NMUR1: variants seen among roughly 807,000 people sequenced by gnomAD.
NMUR1 encodes neuromedin-U receptor 1.
A neutral mutation model predicts 18.8 loss-of-function variants in NMUR1; 16 were observed. The ratio of observed to expected loss-of-function variants is 0.85; its 90% confidence interval spans 0.58 to 1.29. NMUR1 has a LOEUF of 1.29. Ranked by LOEUF, NMUR1 falls within the 50% of genes most tolerant of loss-of-function variation. The pLI is 0.00. For missense variants in NMUR1, 529 were observed against 580.3 expected, an observed-to-expected ratio of 0.91 and a Z score of 0.91; for synonymous variants, 258 against 258.2, an observed-to-expected ratio of 1.00 and a Z score of 0.01.
chr2:231,529,719 C>A (rs151324085), intron 1 of NMUR1, among the ~76,000 whole-genome samples: 1 of 152,154 alleles, frequency 6.6e-6, no homozygotes, highest in African/African-American at 2.4e-5. Flanking sequence ...TCCAGCCTCC[C>A]CAGTTCCAGG....
At chr2:231,525,503 C>A in intron 2 of NMUR1, 78 bp from the exon 3 acceptor site, 1 of 1,485,688 alleles carries the variant, frequency 6.7e-7, no homozygotes, top group East Asian at 2.3e-5. Context: ...TTTGGGTCAC[C>A]CATTTTCACA....
At position 231,528,134 on chromosome 2, in the gene NMUR1, G is replaced by T. The variant is rs749970185; in HGVS notation, c.887C>A (p.Thr296Asn). The T allele has an allele frequency of 6.5e-7, 1 of 1,548,936 alleles. No homozygotes were observed. The highest frequency in any genetic ancestry group is 8.7e-7 in the Non-Finnish European group (1 of 1,145,874). The change falls in exon 2 of 3, where the codon ACC becomes AAC. Residue 296 changes from threonine (T) to asparagine (N), a missense_variant. Transcript: ENST00000305141. Reference protein sequence around the residue: ...QQHDRGRRQVTKMLFVLVVVF... With the variant: ...QQHDRGRRQVNKMLFVLVVVF... ...GCCGTGACACTTACACAGCATCTTG[G>T]TCACTTGTCTCCGGCCCCGATCGTG...
downstream of NMUR1, among the ~76,000 whole-genome samples, chr2:231,519,941 GAAGAT>G (rs199774898): frequency 1.4e-3 from 217 of 152,232 alleles, 4 homozygotes; most frequent in East Asian, 0.033. Context: ...AATAAGATAA[GAAGAT>G]AAGATAAAAT....
In NMUR1 at chr2:231,528,693, G is replaced by T. The variant is rs2047384284; in HGVS notation, c.328C>A (p.Leu110Met). The change falls in exon 2 of 3, where the codon CTG becomes ATG. Residue 110 changes from leucine to methionine, a missense_variant. Leu to Met is a conservative substitution (Grantham distance 15). Transcript: ENST00000305141. ...FSLAVSDLLV[L>M]LVGLPLELYE... ...AGCTCCAGGGGCAGGCCCACCAGCA[G>T]CACCAGCAGGTCCGACACGGCCAGG... 2 of 1,614,132 alleles carry T rather than the reference G, an allele frequency of 1.2e-6. No individual in the cohort carries two copies. The highest frequency in any genetic ancestry group is 2.7e-5 in the African/African-American group (2 of 74,954).
downstream of NMUR1, among the ~76,000 whole-genome samples, chr2:231,522,815 C>T (rs1199784454): frequency 6.6e-6 from 1 of 152,162 alleles, no homozygotes; most frequent in Non-Finnish European, 1.5e-5. Context: ...TGTCCCCACT[C>T]CCCACCCCCA....
At position 231,525,085 on chromosome 2, in the gene NMUR1, C is replaced by T; in HGVS notation, c.1239G>A (p.Gly413=). The part of the protein sequence containing the change: ...SLGSWVHPLA[G]NDGPEAQQET... ...CTTGCTGCGCCTCTGGGCCATCGTT[C>T]CCAGCCAGGGGGTGGACCCAGCTGC... Residue 413 remains glycine (G), a synonymous_variant, in exon 3 of 3, where the codon GGG becomes GGA. Transcript: ENST00000305141. The T allele has an allele frequency of 6.2e-7, 1 of 1,604,792 alleles. No homozygotes were observed. The highest frequency in any genetic ancestry group is 1.1e-5 in the South Asian group (1 of 89,754).
chr2:231,529,628 G>T (rs2047396252), intron 1 of NMUR1, among the ~76,000 whole-genome samples: 3 of 152,156 alleles, frequency 2.0e-5, no homozygotes, highest in Admixed American at 2.0e-4. Flanking sequence ...ACTCGTTTGG[G>T]CATCTGTAAA....
rs752179819 is a variant in NMUR1 at position 231,525,278 on chromosome 2, G to A, written c.1046C>T (p.Ser349Leu). 71 of 1,614,058 alleles carry A rather than the reference G, an allele frequency of 4.4e-5. No homozygotes were observed. The highest frequency in any genetic ancestry group is 5.8e-5 in the Non-Finnish European group (69 of 1,180,040). ...VISGIFFYLGSAANPVLYSLM... is the reference protein window; with the variant it reads ...VISGIFFYLGLAANPVLYSLM... ...GCTATAGAGCACGGGGTTGGCCGCCGAGCCCAGGTAGAAGAAGATGCCGGA... is the reference window on the plus strand; with the variant it reads ...GCTATAGAGCACGGGGTTGGCCGCCAAGCCCAGGTAGAAGAAGATGCCGGA... The change falls in exon 3 of 3, where the codon TCG becomes TTG. Residue 349 changes from serine to leucine, a missense_variant. Physicochemically the swap from Ser to Leu is moderately radical, Grantham distance 145. Transcript: ENST00000305141.
rs57357206 is a variant in NMUR1 at position 231,527,973 on chromosome 2, GACAC to G, written c.898+146_898+149del. The G allele has an allele frequency of 4.7e-3, 2,679 of 570,152 alleles. 42 individuals are homozygous for G. Among genetic ancestry groups the G allele is most frequent in the African/African-American group, 0.039 (2,073 of 53,128 alleles). The allele number at this position is 570,152 out of a possible 1,614,324, so 35.3% of individuals were successfully genotyped here. A position where few individuals can be genotyped will look rare whatever the true frequency, so the allele number is the denominator to read the frequency against. ...AAAGAGTACACAGGAGTGCAACTCAGACACACACACACACACACACACACACGAG... is the reference window on the plus strand; with the variant it reads ...AAAGAGTACACAGGAGTGCAACTCAGACACACACACACACACACACACGAG... On this transcript the variant is annotated intron_variant, in intron 2 of 2. Coordinates refer to ENST00000305141, the MANE Select transcript of NMUR1 (RefSeq NM_006056.5).
At chr2:231,527,637 C>CAA (rs10522812) in intron 2 of NMUR1, among the ~76,000 whole-genome samples, 212 of 99,698 alleles carry the variant, frequency 2.1e-3, no homozygotes, top group African/African-American at 3.0e-3. Context: ...GACCCTGTCT[C>CAA]AAAAAAAAAA....
intron 1 of NMUR1, among the ~76,000 whole-genome samples, 195 bp downstream of exon 1, chr2:231,530,164 C>T (rs1349226301): frequency 6.6e-6 from 1 of 152,210 alleles, no homozygotes; most frequent in Non-Finnish European, 1.5e-5. Context: ...GAGGAAGGGT[C>T]GCAAGCCCGC....
At chr2:231,525,926 GCA>G (rs369635894) in intron 2 of NMUR1, among the ~76,000 whole-genome samples, 18 of 150,940 alleles carry the variant, frequency 1.2e-4, no homozygotes, top group Non-Finnish European at 2.2e-4. Context: ...ACACACGCAT[GCA>G]CACACACACA....
chr2:231,523,146 A>G (rs1036387462), downstream of NMUR1: 10 of 338,378 alleles, frequency 3.0e-5, no homozygotes, highest in Non-Finnish European at 4.9e-5. Flanking sequence ...TAAAACCACC[A>G]TATGACACAT....
downstream of NMUR1, among the ~76,000 whole-genome samples, chr2:231,522,852 C>T (rs2047319049): frequency 6.6e-6 from 1 of 152,212 alleles, no homozygotes; most frequent in Admixed American, 6.5e-5. Context: ...GTCCGGGAGC[C>T]CCTGTGCTTC....
chr2:231,528,427 G>C lies in NMUR1; in HGVS notation c.594C>G (p.Ser198Arg). The change falls in exon 2 of 3, where the codon AGC (serine) becomes AGG (arginine). Residue 198 changes from serine to arginine, a missense_variant. Coordinates refer to ENST00000305141, the MANE Select transcript of NMUR1 (RefSeq NM_006056.5). ...LAMLCSLPNT[S>R]LHGIRQLHVP... ...CGTGCAGCTGCCGGATGCCGTGCAGGCTGGTGTTGGGCAGGGAGCAGAGCA... is the reference window on the plus strand; with the variant it reads ...CGTGCAGCTGCCGGATGCCGTGCAGCCTGGTGTTGGGCAGGGAGCAGAGCA... 1 of 1,613,726 alleles carries C rather than the reference G, an allele frequency of 6.2e-7. No homozygotes were observed. Among genetic ancestry groups the C allele is most frequent in the Non-Finnish European group, 8.5e-7 (1 of 1,179,998 alleles).
chr2:231,521,973 CTTTTTTTTTTTT>C (rs10625236), downstream of NMUR1, among the ~76,000 whole-genome samples: 1 of 83,828 alleles, frequency 1.2e-5, no homozygotes, highest in Non-Finnish European at 2.2e-5. Context: ...TTTTTTTTCT[CTTTTTTTTTTTT>C]TTTTTTTTTT....
At position 231,525,190 on chromosome 2, in the gene NMUR1, A is replaced by C; in HGVS notation, c.1134T>G (p.His378Gln). 1 of 1,614,022 alleles carries C rather than the reference A, an allele frequency of 6.2e-7. No homozygotes were observed. The highest frequency in any genetic ancestry group is 1.7e-5 in the Admixed American group (1 of 60,012). The change falls in exon 3 of 3, where the codon CAT becomes CAG. Residue 378 changes from histidine to glutamine, a missense_variant. Physicochemically the swap from His to Gln is conservative, Grantham distance 24. Transcript: ENST00000305141. ...GGGAGCTGTGGCGGGGTCTGAGGCG[A>C]TGGCAGCAGGCCCCGAGGCACAGGG... ...QEALCLGACC[H>Q]RLRPRHSSHS... is the part of the protein sequence containing the mutation.
Position 231,530,443 on chromosome 2 carries a change from G to C in NMUR1, c.-82C>G. The C allele has an allele frequency of 7.2e-7, 1 of 1,387,304 alleles. No individual in the cohort carries two copies. The highest frequency in any genetic ancestry group is 1.5e-5 in the South Asian group (1 of 65,560). The allele number at this position is 1,387,304 out of a possible 1,614,324, so 85.9% of individuals were successfully genotyped here. On this transcript the variant is annotated 5_prime_UTR_variant, in exon 1 of 3. Transcript: ENST00000305141. ...CGGCGCGGGAGCCAGTGGACTGACT[G>C]ACAGCGGCCCCAGCCCGCGCCCCGA...
chr2:231,524,991 A>G lies in NMUR1; in HGVS notation c.*52T>C. ...CAGAGGAAGGCAGATGTGTCTCCCC[A>G]GCTCCAGGTGACCCTCTGGCCCCTC... On this transcript the variant is annotated 3_prime_UTR_variant, in exon 3 of 3. Coordinates refer to ENST00000305141, the MANE Select transcript of NMUR1 (RefSeq NM_006056.5). 6.6e-7 allele frequency: 1 copy of G among 1,507,414 alleles called. No individual in the cohort carries two copies. 93.4% of individuals were successfully genotyped at this position (1,507,414 alleles called of 1,614,324 possible). A position where few individuals can be genotyped will look rare whatever the true frequency, so the allele number is the denominator to read the frequency against.
Sources: allele counts gnomAD v4.1 joint callset (sites outside exome capture counted in the v4.1 genomes callset), GRCh38; gene constraint gnomAD v4.1.1; transcripts MANE v1.5; gene names NCBI Gene and HGNC (gene_info 2026-07-23, HGNC 2026-07-21).